TMCC1: variants seen among roughly 807,000 people sequenced by gnomAD.
TMCC1 encodes transmembrane and coiled-coil domain family 1, also known as transmembrane and coiled-coil domains protein 1.
Under a neutral mutation model 52.4 loss-of-function variants are expected in TMCC1, and 15 were observed. The ratio of observed to expected loss-of-function variants is 0.29; its 90% confidence interval spans 0.19 to 0.44. The LOEUF is 0.44. TMCC1 is among the 20% of genes least tolerant of loss of function. TMCC1 has a pLI of 1.00. For synonymous variants in TMCC1, 279 were observed against 301.9 expected (o/e 0.92, Z 0.79); for missense variants, 503 against 806.0 (o/e 0.62, Z 4.55).
intron 2 of TMCC1, chr3:129,857,499 C>T (rs995464617): frequency 2.0e-5 from 3 of 152,154 alleles, no homozygotes; most frequent in African/African-American, 7.2e-5. Flanking sequence ...ATTTAGATAC[C>T]TCTTTTTATA....
chr3:129,669,380 C>T (rs1001448102), intron 5 of TMCC1, among the ~76,000 whole-genome samples: 20 of 152,090 alleles, frequency 1.3e-4, no homozygotes, highest in Non-Finnish European at 2.9e-4. Context: ...CCTCAATTTG[C>T]AGCATTAGGT....
chr3:129,796,653 C>G (rs369089728), intron 4 of TMCC1, among the ~76,000 whole-genome samples: 32 of 152,178 alleles, frequency 2.1e-4, no homozygotes, highest in African/African-American at 7.7e-4. Flanking sequence ...GACCCTGTCT[C>G]TACAAAAAAT....
chr3:129,736,274 G>T (rs1246159312), intron 4 of TMCC1, among the ~76,000 whole-genome samples: 1 of 152,156 alleles, frequency 6.6e-6, no homozygotes, highest in African/African-American at 2.4e-5. Flanking sequence ...ATCTGCATCT[G>T]CAACTGGCAG....
intron 2 of TMCC1, among the ~76,000 whole-genome samples, chr3:129,869,740 G>A (rs1325303115): frequency 6.6e-6 from 1 of 152,190 alleles, no homozygotes; most frequent in Non-Finnish European, 1.5e-5. Flanking sequence ...TTACCTTGAT[G>A]CACATGTACA....
intron 4 of TMCC1, among the ~76,000 whole-genome samples, chr3:129,701,491 A>G (rs1429409499): frequency 6.6e-6 from 1 of 152,236 alleles, no homozygotes. Flanking sequence ...GAACGGAAAA[A>G]TGAGAAAGCA....
intron 5 of TMCC1, among the ~76,000 whole-genome samples, chr3:129,656,201 T>TCC (rs1303292271): frequency 1.3e-5 from 2 of 152,120 alleles, no homozygotes; most frequent in Admixed American, 6.5e-5. Context: ...GCTAAGTAGA[T>TCC]AGGAGAAAGG....
chr3:129,815,044 C>A, intron 4 of TMCC1, among the ~76,000 whole-genome samples: 1 of 152,038 alleles, frequency 6.6e-6, no homozygotes, highest in Admixed American at 6.6e-5. Context: ...TTAAAGTAGA[C>A]ACCATACTTA....
At chr3:129,729,903 G>C (rs1165103344) in intron 4 of TMCC1, among the ~76,000 whole-genome samples, 1 of 152,100 alleles carries the variant, frequency 6.6e-6, no homozygotes, top group South Asian at 2.1e-4. Flanking sequence ...GAGCGGAGAT[G>C]GGAGGAATAA....
At chr3:129,743,811 C>T (rs1304333842) in intron 4 of TMCC1, among the ~76,000 whole-genome samples, 2 of 151,990 alleles carry the variant, frequency 1.3e-5, no homozygotes, top group Non-Finnish European at 2.9e-5. Context: ...TAACTGAAGT[C>T]ACAACGTGCT....
At chr3:129,738,273 C>CG (rs2051150325) in intron 4 of TMCC1, among the ~76,000 whole-genome samples, 2 of 118,642 alleles carry the variant, frequency 1.7e-5, no homozygotes, top group South Asian at 5.2e-4. Flanking sequence ...TCCGCCTAAA[C>CG]AAAAAAAAAA....
At chr3:129,842,119 T>C (rs150470504) in intron 2 of TMCC1, among the ~76,000 whole-genome samples, 181 of 152,222 alleles carry the variant, frequency 1.2e-3, no homozygotes, top group African/African-American at 3.8e-3. Flanking sequence ...AAAGACAAAT[T>C]ACAATTATAG....
intron 4 of TMCC1, among the ~76,000 whole-genome samples, chr3:129,694,399 G>C (rs1445803886): frequency 6.6e-6 from 1 of 152,244 alleles, no homozygotes; most frequent in Non-Finnish European, 1.5e-5. Context: ...TAATGAGACT[G>C]TCAGAAACGT....
At chr3:129,798,379 C>G (rs566281932) in intron 4 of TMCC1, among the ~76,000 whole-genome samples, 4 of 152,108 alleles carry the variant, frequency 2.6e-5, no homozygotes, top group African/African-American at 9.6e-5. Flanking sequence ...AAATTATCTC[C>G]TAGGAATGTA....
intron 4 of TMCC1, among the ~76,000 whole-genome samples, chr3:129,825,622 T>G (rs2058624241): frequency 6.6e-6 from 1 of 151,816 alleles, no homozygotes; most frequent in Non-Finnish European, 1.5e-5. Context: ...ATCAACACAT[T>G]CAACAACAGT....
At chr3:129,673,560 T>C (rs2088143769) in intron 4 of TMCC1, among the ~76,000 whole-genome samples, 1 of 152,116 alleles carries the variant, frequency 6.6e-6, no homozygotes, top group Non-Finnish European at 1.5e-5. Flanking sequence ...ACTAAAGAAG[T>C]GTAGCTATGG....
At chr3:129,784,471 CAGG>C (rs994603061) in intron 4 of TMCC1, among the ~76,000 whole-genome samples, 43 of 151,388 alleles carry the variant, frequency 2.8e-4, no homozygotes, top group African/African-American at 1.0e-3. Flanking sequence ...GAGGCTGTGG[CAGG>C]AGAATGGCTT....
chr3:129,684,608 A>G lies in TMCC1; in HGVS notation c.577-13344T>C, dbSNP rs372877896. Among the ~76,000 whole-genome samples the G allele has an allele frequency of 2.1e-4, 32 of 152,358 alleles. No individual in the cohort carries two copies. The South Asian group carries it at 5.2e-3, about 25-fold the overall frequency. ...ACACAGAGAACAAGGCGAGTTGTGG[A>G]TGTCCTTTCCTGCCTTGGCCAATTC... On this transcript the variant is annotated intron_variant, in intron 4 of 6. Transcript: ENST00000393238.
chr3:129,662,780 C>T (rs1391355780), intron 5 of TMCC1, among the ~76,000 whole-genome samples: 1 of 152,178 alleles, frequency 6.6e-6, no homozygotes, highest in Non-Finnish European at 1.5e-5. Context: ...GCTTGGATTA[C>T]AAGTAGCATG....
Position 129,832,808 on chromosome 3 carries a change from A to T in TMCC1, c.-165T>A, listed in dbSNP as rs2058977655. On this transcript the variant is annotated 5_prime_UTR_variant, in exon 3 of 7. Transcript: ENST00000393238. The stretch of plus-strand genomic sequence containing the variant: ...TCTTCCTTAAGCACTTCTAAGGTGT[A>T]CAATCCTTTTAGGAAAAGCTGAAAA... The T allele has an allele frequency of 6.6e-6, 1 of 152,238 alleles. No homozygotes were observed. The highest frequency in any genetic ancestry group is 2.4e-5 in the African/African-American group (1 of 41,458). The allele number at this position is 152,238 out of a possible 1,614,324, so 9.4% of individuals were successfully genotyped here.
Sources: allele counts gnomAD v4.1 joint callset (sites outside exome capture counted in the v4.1 genomes callset), GRCh38; gene constraint gnomAD v4.1.1; transcripts MANE v1.5; gene names NCBI Gene and HGNC (gene_info 2026-07-23, HGNC 2026-07-21).